MGAT4C: variants seen among roughly 807,000 people sequenced by gnomAD.
MGAT4C encodes the protein MGAT4 family member C.
MGAT4C carries 19 observed loss-of-function variants against 40.1 expected under a neutral mutation model. That is an observed-to-expected ratio of 0.47 (90% CI 0.33 to 0.70). The LOEUF (loss-of-function observed/expected upper bound fraction) is 0.70. MGAT4C is among the 30% of genes least tolerant of loss of function. The pLI is 0.02. For synonymous variants in MGAT4C, 181 were observed against 187.1 expected (o/e 0.97, Z 0.27); for missense variants, 491 against 563.2 (o/e 0.87, Z 1.30).
intron 1 of MGAT4C, among the ~76,000 whole-genome samples, chr12:86,141,137 A>G (rs551758619): frequency 1.3e-5 from 2 of 152,336 alleles, no homozygotes; most frequent in East Asian, 3.9e-4. Context: ...ACAAGTGTAG[A>G]TAAGCCAAAT....
intron 1 of MGAT4C, among the ~76,000 whole-genome samples, chr12:86,763,211 G>A (rs1313053415): frequency 6.6e-6 from 1 of 152,152 alleles, no homozygotes; most frequent in African/African-American, 2.4e-5. Context: ...CAAGCGGAAT[G>A]GCAAAAGTGT....
chr12:86,072,954 G>A (rs1400732728), intron 1 of MGAT4C, among the ~76,000 whole-genome samples: 1 of 152,120 alleles, frequency 6.6e-6, no homozygotes, highest in African/African-American at 2.4e-5. Context: ...GAGAGGACTA[G>A]GAGTTACATT....
chr12:86,087,525 G>A (rs1402257022), intron 1 of MGAT4C, among the ~76,000 whole-genome samples: 1 of 151,992 alleles, frequency 6.6e-6, no homozygotes, highest in Non-Finnish European at 1.5e-5. Flanking sequence ...CATTGTTGGT[G>A]TACAGAAATG....
intron 4 of MGAT4C, among the ~76,000 whole-genome samples, chr12:86,301,737 A>G (rs1953817243): frequency 6.6e-6 from 1 of 152,218 alleles, no homozygotes; most frequent in South Asian, 2.1e-4. Flanking sequence ...AACATACTCT[A>G]ACATATCATG....
chr12:86,031,010 C>A (rs1890711123), intron 2 of MGAT4C, among the ~76,000 whole-genome samples: 1 of 151,726 alleles, frequency 6.6e-6, no homozygotes, highest in Non-Finnish European at 1.5e-5. Flanking sequence ...CACATATAAT[C>A]AAATATGGGA....
At chr12:86,461,113 A>C (rs1018934021) in intron 2 of MGAT4C, among the ~76,000 whole-genome samples, 1 of 152,090 alleles carries the variant, frequency 6.6e-6, no homozygotes, top group African/African-American at 2.4e-5. Context: ...TTATCATGGG[A>C]ATAGGTATAG....
At chr12:86,827,469 G>T (rs546121172) in intron 1 of MGAT4C, among the ~76,000 whole-genome samples, 156 of 151,462 alleles carry the variant, frequency 1.0e-3, no homozygotes, top group African/African-American at 3.7e-3. Flanking sequence ...TAACTACCAG[G>T]TCAGAATCAA....
At position 85,961,315 on chromosome 12, in the gene MGAT4C, C is replaced by G. The variant is rs1043374446; in HGVS notation, c.*17974G>C. On this transcript the variant is annotated 3_prime_UTR_variant, in exon 5 of 5. Transcript: ENST00000611864. ...AAATGATCAAATAATCTTTTATGAG[C>G]TCAGAAAAAAATGCCTAACATGAAC... 6.6e-6 allele frequency: 1 copy of G among 151,700 alleles called. No individual in the cohort carries two copies. Among genetic ancestry groups the G allele is most frequent in the South Asian group, 2.1e-4 (1 of 4,826 alleles). 9.4% of individuals were successfully genotyped at this position (151,700 alleles called of 1,614,324 possible).
chr12:86,470,189 G>A (rs1957738647), intron 2 of MGAT4C, among the ~76,000 whole-genome samples: 1 of 152,124 alleles, frequency 6.6e-6, no homozygotes, highest in Non-Finnish European at 1.5e-5. Flanking sequence ...TCTCCAAAAA[G>A]TAATGTTGCT....
chr12:86,333,807 T>C (rs1954726264), intron 4 of MGAT4C, among the ~76,000 whole-genome samples: 1 of 152,180 alleles, frequency 6.6e-6, no homozygotes, highest in East Asian at 1.9e-4. Flanking sequence ...CAAAACCATG[T>C]AAAACCATAT....
In MGAT4C at chr12:86,220,916, C is replaced by G. The variant is rs186716764; in HGVS notation, c.-57+35323G>C. Among the ~76,000 whole-genome samples, 179 of 152,272 alleles carry G rather than the reference C, an allele frequency of 1.2e-3. 1 individual carries two copies. In the Middle Eastern group the frequency reaches 0.027, roughly 23 times the overall value. ...TGAAGTTATGATTAGAAATCCGTCTCAAATATTAGCTACTATAGCTGACTC... is the reference window on the plus strand; with the variant it reads ...TGAAGTTATGATTAGAAATCCGTCTGAAATATTAGCTACTATAGCTGACTC... On this transcript the variant is annotated intron_variant, in intron 1 of 4. Coordinates refer to ENST00000611864, the MANE Select transcript of MGAT4C (RefSeq NM_001351288.2).
chr12:86,768,260 A>G (rs980444024), intron 1 of MGAT4C, among the ~76,000 whole-genome samples: 5 of 152,236 alleles, frequency 3.3e-5, no homozygotes, highest in Admixed American at 1.3e-4. Context: ...GTGAATTCCC[A>G]TTCACAATTG....
intron 2 of MGAT4C, among the ~76,000 whole-genome samples, chr12:86,517,869 C>T (rs1347966551): frequency 1.3e-5 from 2 of 152,076 alleles, no homozygotes; most frequent in African/African-American, 2.4e-5. Context: ...CAGATGGTCT[C>T]GATCTCCTGA....
rs139021404 is a variant in MGAT4C at position 86,713,857 on chromosome 12, T to C, written c.-229+13352A>G. Among the ~76,000 whole-genome samples the C allele has an allele frequency of 6.9e-4, 105 of 151,304 alleles. No individual in the cohort carries two copies. The East Asian group carries it at 0.018, about 26-fold the overall frequency. ...CCTCAGCACCTACGGACTTATGTATTACATTATTATGTAATTCAGAGCCCC... is the reference window on the plus strand; with the variant it reads ...CCTCAGCACCTACGGACTTATGTATCACATTATTATGTAATTCAGAGCCCC... On this transcript the variant is annotated intron_variant, in intron 2 of 7. Transcript: ENST00000548651.
chr12:86,477,027 T>C, intron 2 of MGAT4C, among the ~76,000 whole-genome samples: 1 of 151,990 alleles, frequency 6.6e-6, no homozygotes, highest in East Asian at 1.9e-4. Flanking sequence ...AACCTCAGCA[T>C]CATGCAATAT....
At chr12:86,712,195 T>G (rs1183064702) in intron 2 of MGAT4C, among the ~76,000 whole-genome samples, 1 of 152,084 alleles carries the variant, frequency 6.6e-6, no homozygotes, top group Non-Finnish European at 1.5e-5. Context: ...TTAAAAGATA[T>G]CCACAATTTT....
chr12:86,644,206 A>G (rs547694624), intron 2 of MGAT4C, among the ~76,000 whole-genome samples: 1 of 151,868 alleles, frequency 6.6e-6, no homozygotes, highest in African/African-American at 2.4e-5. Flanking sequence ...CAAAGAGTTT[A>G]TATTCACAAT....
intron 2 of MGAT4C, among the ~76,000 whole-genome samples, chr12:86,477,187 T>TG (rs1176608739): frequency 6.6e-6 from 1 of 151,700 alleles, no homozygotes; most frequent in Non-Finnish European, 1.5e-5. Flanking sequence ...TTTTGTACAT[T>TG]GAAAAAAAAG....
chr12:86,685,460 C>T (rs1438693195), intron 2 of MGAT4C, among the ~76,000 whole-genome samples: 2 of 151,820 alleles, frequency 1.3e-5, no homozygotes, highest in African/African-American at 4.8e-5. Flanking sequence ...AGTTTGAAGT[C>T]AGACAGTGCC....
Sources: gnomAD v4.1 joint callset for allele counts (sites outside exome capture counted in the v4.1 genomes callset) on GRCh38, gnomAD v4.1.1 for gene constraint, MANE v1.5 for transcripts, NCBI Gene and HGNC (gene_info 2026-07-23, HGNC 2026-07-21) for gene names.